Variants in TMEM132D observed in about 807,000 individuals in gnomAD.
TMEM132D encodes transmembrane protein 132D.
Under a neutral mutation model 62.3 loss-of-function variants are expected in TMEM132D, and 21 were observed. That is an observed-to-expected ratio of 0.34 (90% CI 0.24 to 0.49). TMEM132D has a LOEUF of 0.49. Among genes scored for constraint, TMEM132D ranks in the 20% least tolerant of loss-of-function variants. TMEM132D has a pLI of 0.99. For synonymous variants in TMEM132D, 621 were observed against 575.6 expected, an observed-to-expected ratio of 1.08 and a Z score of -1.13; for missense variants, 1,346 against 1,402.8, an observed-to-expected ratio of 0.96 and a Z score of 0.65.
chr12:129,334,999 C>T (rs997484422), intron 4 of TMEM132D, among the ~76,000 whole-genome samples: 3 of 152,024 alleles, frequency 2.0e-5, no homozygotes, highest in African/African-American at 7.2e-5. Flanking sequence ...TGGATAAGTC[C>T]CTTACCTGAA....
chr12:129,176,907 C>T (rs567470145), intron 5 of TMEM132D, among the ~76,000 whole-genome samples: 1 of 152,336 alleles, frequency 6.6e-6, no homozygotes, highest in Admixed American at 6.5e-5. Context: ...AGAACAAATG[C>T]TGCGATTTGG....
At chr12:129,667,254 T>C (rs1029714819) in intron 2 of TMEM132D, among the ~76,000 whole-genome samples, 11 of 152,220 alleles carry the variant, frequency 7.2e-5, no homozygotes, top group African/African-American at 2.4e-4. Flanking sequence ...TAAAATTTTA[T>C]TTTAAAAACT....
At chr12:129,301,780 G>T (rs1391558362) in intron 4 of TMEM132D, among the ~76,000 whole-genome samples, 1 of 152,124 alleles carries the variant, frequency 6.6e-6, no homozygotes, top group Non-Finnish European at 1.5e-5. Flanking sequence ...GGAAACTGAG[G>T]TTTAGGGTGA....
At chr12:129,882,716 T>A (rs562037079) in intron 1 of TMEM132D, among the ~76,000 whole-genome samples, 1 of 152,318 alleles carries the variant, frequency 6.6e-6, no homozygotes, top group South Asian at 2.1e-4. Context: ...ACCATAAATA[T>A]GTACAATTAT....
At chr12:129,886,457 G>A (rs1335609416) in intron 1 of TMEM132D, among the ~76,000 whole-genome samples, 1 of 152,122 alleles carries the variant, frequency 6.6e-6, no homozygotes, top group African/African-American at 2.4e-5. Flanking sequence ...CAGACGTTAA[G>A]GATGTAAAAC....
At chr12:129,383,154 G>T (rs757826240) in intron 3 of TMEM132D, among the ~76,000 whole-genome samples, 1 of 152,144 alleles carries the variant, frequency 6.6e-6, no homozygotes, top group Non-Finnish European at 1.5e-5. Flanking sequence ...GCCCACTGTC[G>T]TGTGCACCAT....
chr12:129,246,647 T>G (rs1039287267), intron 4 of TMEM132D, among the ~76,000 whole-genome samples: 1 of 151,894 alleles, frequency 6.6e-6, no homozygotes, highest in Non-Finnish European at 1.5e-5. Context: ...CCAGCTATAA[T>G]CCCAGCTACT....
intron 1 of TMEM132D, among the ~76,000 whole-genome samples, chr12:129,749,466 T>C (rs1376301683): frequency 2.0e-3 from 84 of 42,850 alleles, no homozygotes; most frequent in African/African-American, 4.8e-3. Flanking sequence ...AAAGAATCTT[T>C]TTTTTTTTTT....
intron 5 of TMEM132D, among the ~76,000 whole-genome samples, chr12:129,105,967 T>C (rs11830245): frequency 0.053 from 7,927 of 150,038 alleles, 773 homozygotes; most frequent in African/African-American, 0.19. Flanking sequence ...CACATGCACA[T>C]GTATGTTTAT....
chr12:129,415,838 A>G (rs1396875512), intron 3 of TMEM132D, among the ~76,000 whole-genome samples: 2 of 151,902 alleles, frequency 1.3e-5, no homozygotes, highest in African/African-American at 4.8e-5. Flanking sequence ...CCAGCACCCA[A>G]CCCTCCCTTT....
intron 3 of TMEM132D, among the ~76,000 whole-genome samples, chr12:129,357,549 A>AAAGAAAGG (rs1445368622): frequency 6.6e-6 from 1 of 151,490 alleles, no homozygotes; most frequent in African/African-American, 2.4e-5. Context: ...GAAAGAAAAG[A>AAAGAAAGG]AAGAAAGGAA....
intron 3 of TMEM132D, among the ~76,000 whole-genome samples, chr12:129,388,223 T>C (rs113270528): frequency 0.19 from 15,425 of 79,230 alleles, 65 homozygotes; most frequent in Non-Finnish European, 0.24. Flanking sequence ...ATATTAACAC[T>C]AACACGAATC....
intron 5 of TMEM132D, among the ~76,000 whole-genome samples, chr12:129,176,733 C>T (rs1273860108): frequency 2.0e-5 from 3 of 152,236 alleles, no homozygotes; most frequent in Non-Finnish European, 4.4e-5. Flanking sequence ...CGCTGAAGGG[C>T]AGCCAACGAG....
intron 2 of TMEM132D, among the ~76,000 whole-genome samples, chr12:129,623,700 T>C (rs868490120): frequency 2.7e-5 from 4 of 146,594 alleles, no homozygotes; most frequent in African/African-American, 1.0e-4. Context: ...TATACATATA[T>C]ATACATACAT....
chr12:129,248,895 G>T lies in TMEM132D; in HGVS notation c.1300-39232C>A, dbSNP rs531435808. ...ATAGTCTTGTTCTTTTTTTATGGTT[G>T]CATAGTATTCCATGGTGTATATGTA... is the stretch of plus-strand genomic sequence containing the variant. On this transcript the variant is annotated intron_variant, in intron 4 of 8. Transcript: ENST00000422113. Among the ~76,000 whole-genome samples the T allele has an allele frequency of 3.3e-5, 5 of 152,120 alleles. No individual in the cohort carries two copies. In the South Asian group the frequency reaches 8.3e-4, roughly 25 times the overall value.
chr12:129,078,156 C>A (rs1246057037), intron 8 of TMEM132D, among the ~76,000 whole-genome samples: 2 of 152,224 alleles, frequency 1.3e-5, no homozygotes, highest in Non-Finnish European at 2.9e-5. Context: ...CTGCTCTGAG[C>A]CTGCACGTGC....
intron 2 of TMEM132D, among the ~76,000 whole-genome samples, chr12:129,556,073 C>A (rs180945192): frequency 1.4e-3 from 220 of 152,288 alleles, no homozygotes; most frequent in African/African-American, 5.0e-3. Context: ...GAACTAGACA[C>A]CAACGCAAAG....
rs561882210 is a variant in TMEM132D, at chr12:129,852,301, T to A, written c.79+50960A>T. On this transcript the variant is annotated intron_variant, in intron 1 of 8. Transcript: ENST00000422113. ...GCTCACACCTGTAATACCAGCACTT[T>A]GGGAGGCCGAGGCGGGCAGATCACT... The A allele has an allele frequency of 2.0e-5, 3 of 152,350 alleles. No individual in the cohort carries two copies. In the East Asian group the frequency reaches 5.8e-4, roughly 29 times the overall value. 9.4% of individuals were successfully genotyped at this position (152,350 alleles called of 1,614,324 possible). A position where few individuals can be genotyped will look rare whatever the true frequency, so the allele number is the denominator to read the frequency against.
intron 3 of TMEM132D, among the ~76,000 whole-genome samples, chr12:129,523,758 G>C (rs1875926177): frequency 6.6e-6 from 1 of 152,198 alleles, no homozygotes; most frequent in Non-Finnish European, 1.5e-5. Flanking sequence ...ATGAGCGTCA[G>C]GAAATGGTGA....
Sources: gnomAD v4.1 joint callset for allele counts (sites outside exome capture counted in the v4.1 genomes callset) on GRCh38, gnomAD v4.1.1 for gene constraint, MANE v1.5 for transcripts, NCBI Gene and HGNC (gene_info 2026-07-23, HGNC 2026-07-21) for gene names.